Variants in USP15 observed in about 807,000 individuals in gnomAD.
The protein encoded by USP15 is ubiquitin carboxyl-terminal hydrolase 15.
Under a neutral mutation model 127.1 loss-of-function variants are expected in USP15, and 18 were observed. That is an observed-to-expected ratio of 0.14 (90% confidence interval 0.10 to 0.21). USP15 has a LOEUF of 0.21. Ranked by LOEUF, USP15 falls within the 10% of genes least tolerant of loss-of-function variation. The pLI is 1.00. For synonymous variants in USP15, 364 were observed against 393.7 expected (o/e 0.92, Z 0.89); for missense variants, 805 against 1,159.9 (o/e 0.69, Z 4.44).
At chr12:62,364,231 A>G (rs941882955) in intron 8 of USP15, among the ~76,000 whole-genome samples, 1 of 152,200 alleles carries the variant, frequency 6.6e-6, no homozygotes, top group South Asian at 2.1e-4. Flanking sequence ...TACGGATGCA[A>G]GCAATGTCTA....
intron 18 of USP15, 48 bp from the exon 19 acceptor site, chr12:62,393,005 G>A: frequency 6.3e-7 from 1 of 1,576,896 alleles, no homozygotes; most frequent in South Asian, 1.2e-5. Flanking sequence ...CATTAATGGG[G>A]GTTGTTTGTA....
chr12:62,317,169 G>C (rs2064854222), intron 4 of USP15, among the ~76,000 whole-genome samples: 1 of 152,052 alleles, frequency 6.6e-6, no homozygotes, highest in African/African-American at 2.4e-5. Context: ...GAAAGTCTGT[G>C]GTAGAATGAG....
intron 1 of USP15, among the ~76,000 whole-genome samples, chr12:62,261,333 C>A (rs1592432808): frequency 6.6e-6 from 1 of 152,126 alleles, no homozygotes; most frequent in Non-Finnish European, 1.5e-5. Context: ...ACTTGTCGAC[C>A]ATATCAAGTG....
intron 1 of USP15, among the ~76,000 whole-genome samples, chr12:62,275,749 G>A (rs1335065186): frequency 6.6e-6 from 1 of 152,046 alleles, no homozygotes; most frequent in Non-Finnish European, 1.5e-5. Context: ...CCTGGGATTT[G>A]AGGAAGATTA....
rs185994430 is a variant in USP15, at chr12:62,343,030, C to G, written c.684-6191C>G. Among the ~76,000 whole-genome samples, 916 of 152,328 alleles carry G rather than the reference C, an allele frequency of 6.0e-3. 19 individuals are homozygous for G. The highest frequency in any genetic ancestry group is 0.034 in the Admixed American group (524 of 15,312). On this transcript the variant is annotated intron_variant, in intron 6 of 21. Transcript: ENST00000280377. The stretch of plus-strand genomic sequence containing the variant: ...GCTACACCCACAGCCGTCCCTCCCC[C>G]CAGTGTCTCTGTCCCAGGGAGATGA...
chr12:62,277,754 G>A (rs1225419508), intron 1 of USP15: 2 of 151,988 alleles, frequency 1.3e-5, no homozygotes, highest in Non-Finnish European at 2.9e-5. Flanking sequence ...GAAAGTTTAC[G>A]AATTTGTATT....
chr12:62,335,582 T>C (rs1040299911), intron 6 of USP15: 118 of 1,018,206 alleles, frequency 1.2e-4, no homozygotes, highest in Non-Finnish European at 1.3e-4. Flanking sequence ...GCCACACATA[T>C]GGTAAACACC....
At chr12:62,282,339 AT>A (rs1000358531) in intron 1 of USP15, among the ~76,000 whole-genome samples, 4 of 152,168 alleles carry the variant, frequency 2.6e-5, no homozygotes, top group African/African-American at 7.2e-5. Flanking sequence ...CCAAAAAAAA[AT>A]AAATAAATAA....
intron 8 of USP15, among the ~76,000 whole-genome samples, chr12:62,361,851 C>T (rs1482575416): frequency 6.6e-6 from 1 of 151,928 alleles, no homozygotes; most frequent in African/African-American, 2.4e-5. Context: ...CTATTCTGGG[C>T]AGGGGAGAGG....
At chr12:62,394,357 T>C (rs2067416811) in intron 19 of USP15, among the ~76,000 whole-genome samples, 2 of 152,180 alleles carry the variant, frequency 1.3e-5, no homozygotes, top group Non-Finnish European at 2.9e-5. Context: ...TAAAGGCAGG[T>C]GTATCTATAA....
chr12:62,389,344 T>C (rs997204096), intron 11 of USP15, 87 bp from the exon 12 acceptor site: 10 of 1,104,464 alleles, frequency 9.1e-6, no homozygotes, highest in Admixed American at 7.2e-5. Flanking sequence ...GCCAAATGAA[T>C]GTGAGATAGC....
chr12:62,300,754 A>G (rs2064289520), intron 2 of USP15, among the ~76,000 whole-genome samples: 1 of 152,178 alleles, frequency 6.6e-6, no homozygotes, highest in South Asian at 2.1e-4. Flanking sequence ...TACAGTATTA[A>G]TCCAAAATGG....
At chr12:62,398,734 T>C (rs957967897) in intron 20 of USP15, among the ~76,000 whole-genome samples, 5 of 152,156 alleles carry the variant, frequency 3.3e-5, no homozygotes, top group East Asian at 1.9e-4. Context: ...GAAAAAAATA[T>C]ACATTCCCCA....
At chr12:62,402,885 A>T (rs191784815) in intron 21 of USP15, among the ~76,000 whole-genome samples, 1 of 152,112 alleles carries the variant, frequency 6.6e-6, no homozygotes, top group Admixed American at 6.6e-5. Context: ...AGGCTGTCAC[A>T]TAATTTAAGC....
intron 1 of USP15, among the ~76,000 whole-genome samples, chr12:62,286,315 A>T (rs2063784590): frequency 6.6e-6 from 1 of 152,222 alleles, no homozygotes; most frequent in South Asian, 2.1e-4. Flanking sequence ...AATACAAATC[A>T]AAACCACAGT....
At chr12:62,333,329 C>T (rs1031161783) in intron 6 of USP15, among the ~76,000 whole-genome samples, 2 of 152,154 alleles carry the variant, frequency 1.3e-5, no homozygotes, top group Non-Finnish European at 2.9e-5. Context: ...TGCAGTGGAG[C>T]AGTCACAGCT....
chr12:62,377,780 A>G (rs989043749), intron 8 of USP15, among the ~76,000 whole-genome samples: 2 of 151,696 alleles, frequency 1.3e-5, no homozygotes, highest in Non-Finnish European at 2.9e-5. Context: ...GACATTGAAT[A>G]CTGATATAAC....
chr12:62,361,916 A>G (rs1419171751), intron 8 of USP15, among the ~76,000 whole-genome samples: 6 of 152,078 alleles, frequency 3.9e-5, no homozygotes, highest in Non-Finnish European at 5.9e-5. Flanking sequence ...ATCTAAATCA[A>G]TTACTAGTTC....
At chr12:62,301,741 T>C (rs1466130511) in intron 2 of USP15, among the ~76,000 whole-genome samples, 3 of 152,100 alleles carry the variant, frequency 2.0e-5, no homozygotes, top group East Asian at 1.9e-4. Context: ...ATCCCTCAGG[T>C]TTTTTCTCGC....
Sources: gnomAD v4.1 joint callset for allele counts (sites outside exome capture counted in the v4.1 genomes callset) on GRCh38, gnomAD v4.1.1 for gene constraint, MANE v1.5 for transcripts, NCBI Gene and HGNC (gene_info 2026-07-23, HGNC 2026-07-21) for gene names.